APCDD1: variants seen among roughly 807,000 people sequenced by gnomAD.
The protein encoded by APCDD1 is APC down-regulated 1.
Under a neutral mutation model 38.1 loss-of-function variants are expected in APCDD1, and 15 were observed. The ratio of observed to expected loss-of-function variants is 0.39; its 90% CI spans 0.26 to 0.61. The LOEUF (loss-of-function observed/expected upper bound fraction) is 0.61, where lower values mean the gene tolerates loss of function less well. Ranked by LOEUF, APCDD1 falls within the 20% of genes least tolerant of loss-of-function variation. The probability of loss-of-function intolerance (pLI) is 0.49; values close to 1 mark genes in which losing one functional copy is unlikely to be tolerated. For missense variants in APCDD1, 647 were observed against 696.2 expected (o/e 0.93, Z 0.79); for synonymous variants, 261 against 279.7 (o/e 0.93, Z 0.67).
intron 3 of APCDD1, among the ~76,000 whole-genome samples, chr18:10,481,330 G>A (rs1598400072): frequency 6.6e-6 from 1 of 152,314 alleles, no homozygotes; most frequent in Non-Finnish European, 1.5e-5. Context: ...ACAAAATGTG[G>A]AATAGTCATA....
rs1403227965 is a variant in APCDD1, at chr18:10,469,232, A to G, written c.242+580A>G. On this transcript the variant is annotated intron_variant, in intron 2 of 4. Transcript: ENST00000355285. This position sits in a 1 kb window ranked among gnomAD's most constrained non-coding sequence, Gnocchi z 5.5. Reference sequence around the variant, plus strand: ...GATCTGCGATTTTTTTTTTCTACCCATTAGATTGCTGAGAATTAACAAGAC... The same window carrying G: ...GATCTGCGATTTTTTTTTTCTACCCGTTAGATTGCTGAGAATTAACAAGAC... Among the ~76,000 whole-genome samples the G allele has an allele frequency of 1.3e-5, 2 of 152,046 alleles. No homozygotes were observed. Among genetic ancestry groups the G allele is most frequent in the Admixed American group, 1.3e-4 (2 of 15,260 alleles).
At position 10,488,523 on chromosome 18, in the gene APCDD1, A is replaced by G. The variant is rs1196911671; in HGVS notation, c.*485A>G. 2 of 161,592 alleles carry G rather than the reference A, an allele frequency of 1.2e-5. No homozygotes were observed. The highest frequency in any genetic ancestry group is 2.7e-5 in the Non-Finnish European group (2 of 74,056). The allele number at this position is 161,592 out of a possible 1,614,324, so 10.0% of individuals were successfully genotyped here. On this transcript the variant is annotated 3_prime_UTR_variant, in exon 5 of 5. Transcript: ENST00000355285. Reference sequence around the variant, plus strand: ...GAGTTGGTTTGGGACTGTGATCAAGACACCTTTTATTAATAAAGAAGAGAC... The same window carrying G: ...GAGTTGGTTTGGGACTGTGATCAAGGCACCTTTTATTAATAAAGAAGAGAC...
At chr18:10,462,443 C>CCT (rs1231369784) in intron 1 of APCDD1, among the ~76,000 whole-genome samples, 1 of 67,200 alleles carries the variant, frequency 1.5e-5, no homozygotes, top group African/African-American at 7.6e-5. Context: ...TGCTCCCTCT[C>CCT]TCCTTTCCTC....
rs1445690489 is a variant in APCDD1, at chr18:10,454,891, C to T, written c.-91C>T. On this transcript the variant is annotated 5_prime_UTR_variant, in exon 1 of 5. Coordinates refer to ENST00000355285, the MANE Select transcript of APCDD1 (RefSeq NM_153000.5). ...AAGCCCCGGCCTGGCCCGGCCGCAC[C>T]CGGCCGGAGGCGGAGGGCAGAGCGC... 2 of 1,328,082 alleles carry T rather than the reference C, an allele frequency of 1.5e-6. No homozygotes were observed. Among genetic ancestry groups the T allele is most frequent in the Non-Finnish European group, 1.9e-6 (2 of 1,031,418 alleles). 82.3% of individuals were successfully genotyped at this position (1,328,082 alleles called of 1,614,324 possible).
At chr18:10,455,228 C>T (rs1018143829) in intron 1 of APCDD1, among the ~76,000 whole-genome samples, 189 bp downstream of exon 1, 1 of 152,188 alleles carries the variant, frequency 6.6e-6, no homozygotes. Context: ...CTTTCCGAGG[C>T]TTGGGACCGC....
chr18:10,486,676 G>T lies in APCDD1; in HGVS notation c.1096+893G>T, dbSNP rs193270279. 3.3e-4 allele frequency among the ~76,000 whole-genome samples: 48 copies of T among 144,794 alleles called. No homozygotes were observed. In the East Asian group the frequency reaches 9.0e-3, roughly 27 times the overall value. The allele number at this position is 144,794 out of a possible 152,430, so 95.0% of individuals were successfully genotyped here. A position where few individuals can be genotyped will look rare whatever the true frequency, so the allele number is the denominator to read the frequency against. On this transcript the variant is annotated intron_variant, in intron 4 of 4. Transcript: ENST00000355285. ...TGCTAGCAACAAAGCAGGGCTTGTG[G>T]TTGCTATTTTTAAAAGGTTGCTTTT... is the stretch of plus-strand genomic sequence containing the variant.
At chr18:10,484,207 C>T (rs1211914668) in intron 3 of APCDD1, among the ~76,000 whole-genome samples, 1 of 152,220 alleles carries the variant, frequency 6.6e-6, no homozygotes, top group Non-Finnish European at 1.5e-5. Context: ...ACCTTCTGAA[C>T]CTGGAGGCGG....
chr18:10,472,108 A>G lies in APCDD1; in HGVS notation c.774+47A>G. ...TCCTCTTTATTGAGTAAAGTGGGTG[A>G]TCCTTCTTAAAGGCTTGCCATGGGG... is the stretch of plus-strand genomic sequence containing the variant. On this transcript the variant is annotated intron_variant, in intron 3 of 4. Transcript: ENST00000355285. The surrounding 1 kb of genome is among the most constrained non-coding windows in gnomAD (Gnocchi z 6.6). The G allele has an allele frequency of 6.2e-7, 1 of 1,610,870 alleles. No individual in the cohort carries two copies. Among genetic ancestry groups the G allele is most frequent in the Non-Finnish European group, 8.5e-7 (1 of 1,179,484 alleles).
In APCDD1 at chr18:10,487,657, T is replaced by C. The variant is rs772558905; in HGVS notation, c.1164T>C (p.Asn388=). 1 of 1,614,190 alleles carries C rather than the reference T, an allele frequency of 6.2e-7. No individual in the cohort carries two copies. The highest frequency in any genetic ancestry group is 8.5e-7 in the Non-Finnish European group (1 of 1,180,034). ...TASLLNVFNG[N]ECGAEGSWQV... is the part of the protein sequence containing the mutation. ...CACTGCTCAACGTCTTCAACGGGAA[T>C]GAGTGCGGGGCCGAGGGCTCCTGGC... The change falls in exon 5 of 5, where the codon AAT becomes AAC. Residue 388 remains asparagine, a synonymous_variant. Coordinates refer to ENST00000355285, the MANE Select transcript of APCDD1 (RefSeq NM_153000.5).
In APCDD1 at chr18:10,468,787, C is replaced by T. The variant is rs1459152546; in HGVS notation, c.242+135C>T. On this transcript the variant is annotated intron_variant, in intron 2 of 4. Coordinates refer to ENST00000355285, the MANE Select transcript of APCDD1 (RefSeq NM_153000.5). ...TGTTGTCCAAGTTCTAATGAAGAACCAAACCACTCTTTGAAATTATGGTTG... is the reference window on the plus strand; with the variant it reads ...TGTTGTCCAAGTTCTAATGAAGAACTAAACCACTCTTTGAAATTATGGTTG... The T allele has an allele frequency of 6.6e-6, 6 of 915,946 alleles. No individual in the cohort carries two copies. The Admixed American group carries it at 1.4e-4, about 21-fold the overall frequency. The allele number at this position is 915,946 out of a possible 1,614,324, so 56.7% of individuals were successfully genotyped here. A position where few individuals can be genotyped will look rare whatever the true frequency, so the allele number is the denominator to read the frequency against.
rs58941388 is a variant in APCDD1, at chr18:10,475,662, T to TAA, written c.774+3614_774+3615dup. ...CACAGTCATCACAGAAAATTTAGAT[T>TAA]AAAAAAAAAAAAAAGCAAGCAAACA... On this transcript the variant is annotated intron_variant, in intron 3 of 4. Coordinates refer to ENST00000355285, the MANE Select transcript of APCDD1 (RefSeq NM_153000.5). The surrounding 1 kb of genome is among the most constrained non-coding windows in gnomAD (Gnocchi z 4.0). Among the ~76,000 whole-genome samples the TAA allele has an allele frequency of 7.1e-5, 10 of 139,928 alleles. No individual in the cohort carries two copies. Among genetic ancestry groups the TAA allele is most frequent in the African/African-American group, 2.6e-4 (10 of 38,856 alleles). The allele number at this position is 139,928 out of a possible 152,430, so 91.8% of individuals were successfully genotyped here. A position where few individuals can be genotyped will look rare whatever the true frequency, so the allele number is the denominator to read the frequency against.
chr18:10,468,546 G>A lies in APCDD1; in HGVS notation c.136G>A (p.Ala46Thr), dbSNP rs771016289. ...PRSLEKSAWR[A>T]FKESQCHHML... ...GTCCTTAGAGAAAAGTGCCTGGAGGGCTTTTAAGGAGTCACAGTGCCATCA... is the reference window on the plus strand; with the variant it reads ...GTCCTTAGAGAAAAGTGCCTGGAGGACTTTTAAGGAGTCACAGTGCCATCA... The change falls in exon 2 of 5, where the codon GCT becomes ACT. Residue 46 changes from alanine to threonine, a missense_variant. By Grantham distance (58) the Ala-to-Thr change is moderately conservative. Transcript: ENST00000355285. 5 of 1,614,134 alleles carry A rather than the reference G, an allele frequency of 3.1e-6. No individual in the cohort carries two copies. Among genetic ancestry groups the A allele is most frequent in the Admixed American group, 1.7e-5 (1 of 60,024 alleles).
At chr18:10,478,435 A>G (rs2031058115) in intron 3 of APCDD1, among the ~76,000 whole-genome samples, 1 of 152,210 alleles carries the variant, frequency 6.6e-6, no homozygotes, top group Non-Finnish European at 1.5e-5. Context: ...GACTGGGGAC[A>G]GCCACTCACT....
chr18:10,488,194 GAA>G lies in APCDD1; in HGVS notation c.*157_*158del. The G allele has an allele frequency of 1.1e-6, 1 of 928,170 alleles. No homozygotes were observed. Among genetic ancestry groups the G allele is most frequent in the Non-Finnish European group, 1.6e-6 (1 of 614,984 alleles). 57.5% of individuals were successfully genotyped at this position (928,170 alleles called of 1,614,324 possible). A position where few individuals can be genotyped will look rare whatever the true frequency, so the allele number is the denominator to read the frequency against. ...CCCTCCCTCCCAGCCCCTGAGTCAT[GAA>G]CAGCAAGGAGTGTTTGAAGTTTCTG... On this transcript the variant is annotated 3_prime_UTR_variant, in exon 5 of 5. Transcript: ENST00000355285.
In APCDD1 at chr18:10,489,867, A is replaced by G. The variant is rs1368601098; in HGVS notation, c.*1829A>G. ...CTAACTTAAATGGCCACCAAGTTCA[A>G]TAAACAAAGATGTCAAAATACTCTC... On this transcript the variant is annotated 3_prime_UTR_variant, in exon 5 of 5. Coordinates refer to ENST00000355285, the MANE Select transcript of APCDD1 (RefSeq NM_153000.5). 1 of 152,200 alleles carries G rather than the reference A, an allele frequency of 6.6e-6. No homozygotes were observed. The highest frequency in any genetic ancestry group is 2.4e-5 in the African/African-American group (1 of 41,444). 9.4% of individuals were successfully genotyped at this position (152,200 alleles called of 1,614,324 possible). A position where few individuals can be genotyped will look rare whatever the true frequency, so the allele number is the denominator to read the frequency against.
chr18:10,479,228 T>G (rs2143551454), intron 3 of APCDD1, among the ~76,000 whole-genome samples: 1 of 152,328 alleles, frequency 6.6e-6, no homozygotes, highest in African/African-American at 2.4e-5. Context: ...TGAGAAACAT[T>G]TGTGTGTTTT....
Position 10,469,328 on chromosome 18 carries a change from T to C in APCDD1, c.242+676T>C, listed in dbSNP as rs1413093523. 6.6e-6 allele frequency among the ~76,000 whole-genome samples: 1 copy of C among 152,096 alleles called. No individual in the cohort carries two copies. Among genetic ancestry groups the C allele is most frequent in the African/African-American group, 2.4e-5 (1 of 41,402 alleles). On this transcript the variant is annotated intron_variant, in intron 2 of 4. Coordinates refer to ENST00000355285, the MANE Select transcript of APCDD1 (RefSeq NM_153000.5). This position sits in a 1 kb window ranked among gnomAD's most constrained non-coding sequence, Gnocchi z 5.5. ...TATGGATAGCAGCCTTCAAGTTCCTTGGGGAGGGATCAGATGAATATGGAG... is the reference window on the plus strand; with the variant it reads ...TATGGATAGCAGCCTTCAAGTTCCTCGGGGAGGGATCAGATGAATATGGAG...
intron 1 of APCDD1, among the ~76,000 whole-genome samples, chr18:10,465,289 G>T (rs1217894430): frequency 6.6e-6 from 1 of 152,134 alleles, no homozygotes; most frequent in East Asian, 1.9e-4. Flanking sequence ...TGCTCATACT[G>T]TCCCCACATC....
Position 10,488,153 on chromosome 18 carries a change from C to A in APCDD1, c.*115C>A. 3 of 1,299,114 alleles carry A rather than the reference C, an allele frequency of 2.3e-6. No homozygotes were observed. The highest frequency in any genetic ancestry group is 3.2e-6 in the Non-Finnish European group (3 of 936,232). The allele number at this position is 1,299,114 out of a possible 1,614,324, so 80.5% of individuals were successfully genotyped here. On this transcript the variant is annotated 3_prime_UTR_variant, in exon 5 of 5. Transcript: ENST00000355285. ...TGCACTTGAATGCCAGAGAACTGTC[C>A]TTCTTTTTCTCCTCTCCCTCCCTCC...
Sources: gnomAD v4.1 joint callset for allele counts (sites outside exome capture counted in the v4.1 genomes callset) on GRCh38, gnomAD v4.1.1 for gene constraint, Gnocchi (gnomAD v3.1) non-coding constraint, MANE v1.5 for transcripts, NCBI Gene and HGNC (gene_info 2026-07-23, HGNC 2026-07-21) for gene names.